NEK10: variants seen among roughly 807,000 people sequenced by gnomAD.
The protein encoded by NEK10 is NIMA related kinase 10.
In NEK10, 122 loss-of-function variants were observed where a neutral mutation model predicts 159.8. The observed-to-expected ratio is 0.76, with a 90% CI of 0.66 to 0.89. NEK10 has a LOEUF of 0.89. NEK10 is among the 40% of genes least tolerant of loss of function. The pLI is 0.00. For missense variants in NEK10, 1,342 were observed against 1,323.1 expected (o/e 1.01, Z -0.22); for synonymous variants, 466 against 457.1 (o/e 1.02, Z -0.25).
intron 23 of NEK10, among the ~76,000 whole-genome samples, chr3:27,250,927 T>C (rs1253729716): frequency 2.6e-5 from 4 of 152,226 alleles, no homozygotes; most frequent in Admixed American, 2.6e-4. Context: ...TAGTGTTCTA[T>C]AACCTCCTAT....
chr3:27,312,413 A>T (rs1483964341), intron 7 of NEK10, among the ~76,000 whole-genome samples: 1 of 152,222 alleles, frequency 6.6e-6, no homozygotes, highest in Non-Finnish European at 1.5e-5. Flanking sequence ...TCAAGACTCT[A>T]TAAACTCTCA....
intron 12 of NEK10, among the ~76,000 whole-genome samples, chr3:27,303,906 G>A (rs608374): frequency 0.4 from 60,757 of 152,074 alleles, 15,821 homozygotes; most frequent in African/African-American, 0.75. Context: ...GTTCAAGGAG[G>A]CATACTCATT....
rs181092371 is a variant in NEK10 at position 27,131,341 on chromosome 3, T to C, written c.3081+539A>G. 2.6e-3 allele frequency among the ~76,000 whole-genome samples: 391 copies of C among 152,282 alleles called. 3 individuals are homozygous for C. Among genetic ancestry groups the C allele is most frequent in the African/African-American group, 9.1e-3 (378 of 41,562 alleles). ...AGTTTTGTTAACCAGAGGTAAACAATTTTCTTTCTGCCCAGTTGATTTAGT... is the reference window on the plus strand; with the variant it reads ...AGTTTTGTTAACCAGAGGTAAACAACTTTCTTTCTGCCCAGTTGATTTAGT... On this transcript the variant is annotated intron_variant, in intron 32 of 35. Transcript: ENST00000691995.
intron 15 of NEK10, among the ~76,000 whole-genome samples, chr3:27,293,990 A>C (rs1413051098): frequency 6.6e-6 from 1 of 152,232 alleles, no homozygotes; most frequent in Non-Finnish European, 1.5e-5. Flanking sequence ...CCAGGAGCTC[A>C]AGGTTTATTT....
At chr3:27,314,211 A>G in intron 7 of NEK10, 86 bp downstream of exon 7, 1 of 940,572 alleles carries the variant, frequency 1.1e-6, no homozygotes, top group East Asian at 2.6e-5. Flanking sequence ...TAGGAAAGCC[A>G]CCTTCTGTCA....
At chr3:27,148,014 AAAT>A (rs1279103110) in intron 30 of NEK10, among the ~76,000 whole-genome samples, 2 of 152,210 alleles carry the variant, frequency 1.3e-5, no homozygotes, top group Non-Finnish European at 2.9e-5. Flanking sequence ...CCAATATAAA[AAAT>A]AATAAGTAGT....
intron 6 of NEK10, among the ~76,000 whole-genome samples, chr3:27,320,716 A>G (rs989483581): frequency 6.6e-6 from 1 of 152,200 alleles, no homozygotes; most frequent in Non-Finnish European, 1.5e-5. Flanking sequence ...TCACATATCC[A>G]AAGGGCTGTG....
intron 23 of NEK10, among the ~76,000 whole-genome samples, chr3:27,232,788 C>A (rs554188708): frequency 5.3e-5 from 8 of 151,992 alleles, no homozygotes; most frequent in African/African-American, 1.7e-4. Context: ...TTCAACAAAA[C>A]AAACAAAAAC....
chr3:27,146,287 C>A lies in NEK10; in HGVS notation c.2870-4705G>T, dbSNP rs146543180. On this transcript the variant is annotated intron_variant, in intron 30 of 35. Coordinates refer to ENST00000691995, the MANE Select transcript of NEK10 (RefSeq NM_001394966.1). ...TATTGAAACTATAATTCACAATATACACTTTGAAGCTGTTAATAACTACAA... is the reference window on the plus strand; with the variant it reads ...TATTGAAACTATAATTCACAATATAAACTTTGAAGCTGTTAATAACTACAA... Among the ~76,000 whole-genome samples, 665 of 152,298 alleles carry A rather than the reference C, an allele frequency of 4.4e-3. 3 individuals are homozygous for A. The highest frequency in any genetic ancestry group is 0.016 in the African/African-American group (646 of 41,566).
intron 22 of NEK10, among the ~76,000 whole-genome samples, chr3:27,260,467 G>T (rs371821347): frequency 1.3e-5 from 2 of 152,136 alleles, no homozygotes; most frequent in Non-Finnish European, 2.9e-5. Context: ...TTCTGCATCT[G>T]TTGAGATAAT....
At chr3:27,246,041 T>C (rs1312777197) in intron 23 of NEK10, among the ~76,000 whole-genome samples, 1 of 152,092 alleles carries the variant, frequency 6.6e-6, no homozygotes, top group East Asian at 1.9e-4. Context: ...AAAAAGAATA[T>C]AGAGACTGAA....
At chr3:27,333,625 G>A (rs776325909) in intron 5 of NEK10, among the ~76,000 whole-genome samples, 4 of 152,038 alleles carry the variant, frequency 2.6e-5, no homozygotes, top group Admixed American at 6.5e-5. Context: ...GCTGAGGTGC[G>A]GGAGAAGCAT....
chr3:27,278,385 A>C (rs1042473385), intron 22 of NEK10, among the ~76,000 whole-genome samples: 1 of 152,226 alleles, frequency 6.6e-6, no homozygotes, highest in Non-Finnish European at 1.5e-5. Context: ...TGAATAACAG[A>C]CGTTTTCCCC....
chr3:27,180,294 C>T (rs1033862179), intron 26 of NEK10, among the ~76,000 whole-genome samples: 2 of 151,578 alleles, frequency 1.3e-5, no homozygotes, highest in Non-Finnish European at 2.9e-5. Context: ...ATTGAGGAGG[C>T]GAAGGCAGGA....
chr3:27,261,417 G>T (rs2040402288), intron 22 of NEK10, among the ~76,000 whole-genome samples: 1 of 152,180 alleles, frequency 6.6e-6, no homozygotes, highest in African/African-American at 2.4e-5. Context: ...ATTCTGGTAT[G>T]TTGTGTCTTT....
At chr3:27,151,557 G>A (rs1481648115) in intron 30 of NEK10, among the ~76,000 whole-genome samples, 4 of 152,110 alleles carry the variant, frequency 2.6e-5, no homozygotes, top group Admixed American at 6.5e-5. Flanking sequence ...AAATAAGAAG[G>A]AACCAGAAAA....
chr3:27,156,929 G>GAT (rs4016654), intron 30 of NEK10, among the ~76,000 whole-genome samples: 310 of 28,310 alleles, frequency 0.011, 20 homozygotes, highest in Middle Eastern at 0.038. Flanking sequence ...TAAAGAAACT[G>GAT]ATATATATAT....
chr3:27,173,012 C>G (rs1045654396), intron 28 of NEK10, among the ~76,000 whole-genome samples: 1 of 152,080 alleles, frequency 6.6e-6, no homozygotes, highest in African/African-American at 2.4e-5. Context: ...TCATGGTAAA[C>G]CACAATAACA....
At chr3:27,265,956 G>A (rs943347088) in intron 22 of NEK10, among the ~76,000 whole-genome samples, 25 of 151,824 alleles carry the variant, frequency 1.6e-4, no homozygotes, top group African/African-American at 3.1e-4. Flanking sequence ...ACAGGTGTCC[G>A]CCACCACGCC....
Sources: allele counts gnomAD v4.1 joint callset (sites outside exome capture counted in the v4.1 genomes callset), GRCh38; gene constraint gnomAD v4.1.1; transcripts MANE v1.5; gene names NCBI Gene and HGNC (gene_info 2026-07-23, HGNC 2026-07-21).